The following ZNF83 variants were observed in gnomAD, a reference collection of about 807,000 sequenced individuals.
The protein encoded by ZNF83 is zinc finger protein 83.
For missense variants in ZNF83, 552 were observed against 629.9 expected (o/e 0.88, Z 1.32); for synonymous variants, 209 against 213.0 (o/e 0.98, Z 0.17).
chr19:52,649,223 G>A (rs117463158), intron 3 of ZNF83, among the ~76,000 whole-genome samples: 1,776 of 152,250 alleles, frequency 0.012, 22 homozygotes, highest in Non-Finnish European at 0.018. Context: ...CATGCTTTGG[G>A]ATATTGAAAT....
chr19:52,613,799 TATGA>T, exon 3 of ZNF83: 1 of 1,613,772 alleles, frequency 6.2e-7, no homozygotes, highest in Non-Finnish European at 8.5e-7. Context: ...TTCTCTCCAG[TATGA>T]ATGATCAGAT....
rs1600277968 is a variant in ZNF83 at position 52,683,692 on chromosome 19, TAGAG to T, written c.-283+6747_-283+6750del. Among the ~76,000 whole-genome samples, 3 of 152,134 alleles carry T rather than the reference TAGAG, an allele frequency of 2.0e-5. No homozygotes were observed. The East Asian group carries it at 5.8e-4, about 29-fold the overall frequency. On this transcript the variant is annotated intron_variant, in intron 1 of 5. Transcript: ENST00000594682. ...CTGGTCTGTAGGGCTTTTCTGACCT[TAGAG>T]AGGCCTTCTCCTCTTATTTTGACTA...
rs565298687 is a variant in ZNF83 at position 52,649,041 on chromosome 19, C to T, written c.-74+6520G>A. 1.7e-3 allele frequency among the ~76,000 whole-genome samples: 257 copies of T among 152,200 alleles called. 1 individual carries two copies. Among genetic ancestry groups the T allele is most frequent in the Non-Finnish European group, 2.7e-3 (181 of 68,044 alleles). On this transcript the variant is annotated intron_variant, in intron 3 of 5. Coordinates refer to the ZNF83 transcript ENST00000594682. ...GCCCCCTCAACGACCTTTCCCTTCTCCCGCCGGGTCCCCACCCACTGTCCA... is the reference window on the plus strand; with the variant it reads ...GCCCCCTCAACGACCTTTCCCTTCTTCCGCCGGGTCCCCACCCACTGTCCA...
At chr19:52,644,157 CAA>C (rs1255294290) in intron 3 of ZNF83, among the ~76,000 whole-genome samples, 1 of 150,200 alleles carries the variant, frequency 6.7e-6, no homozygotes, top group Non-Finnish European at 1.5e-5. Context: ...TCTGAGTCTA[CAA>C]CTCTGTTTCT....
At chr19:52,630,897 G>C (rs1336386101) in intron 2 of ZNF83, among the ~76,000 whole-genome samples, 3 of 151,934 alleles carry the variant, frequency 2.0e-5, no homozygotes, top group East Asian at 1.9e-4. Context: ...AGACTTAATA[G>C]GTTAGTTCAG....
intron 2 of ZNF83, among the ~76,000 whole-genome samples, chr19:52,627,359 T>A (rs1467530518): frequency 1.2e-4 from 18 of 149,290 alleles, no homozygotes; most frequent in African/African-American, 4.2e-4. Context: ...AGGAGAGGCA[T>A]AAAAAAGAAA....
At chr19:52,629,095 C>CA (rs1190198570) in intron 2 of ZNF83, among the ~76,000 whole-genome samples, 2 of 152,050 alleles carry the variant, frequency 1.3e-5, no homozygotes, top group Non-Finnish European at 2.9e-5. Flanking sequence ...AAAACCTCTT[C>CA]AACTCTCACC....
intron 1 of ZNF83, among the ~76,000 whole-genome samples, chr19:52,676,575 A>C (rs1452443744): frequency 2.6e-5 from 4 of 151,056 alleles, no homozygotes; most frequent in African/African-American, 9.7e-5. Flanking sequence ...GGCCGCCCCT[A>C]CTGGGAAGTG....
Position 52,613,222 on chromosome 19 carries a change from C to T in ZNF83, c.1343G>A (p.Arg448Gln), listed in dbSNP as rs143220585. Residue 448 changes from arginine (R) to glutamine (Q), a missense_variant, in exon 3 of 3, where the codon CGG becomes CAG. Coordinates refer to ENST00000301096, the Ensembl canonical transcript of ZNF83. ...AGGTTTCTCTCCAGTGTGAATTTTC[C>T]GATGATGTGCTAGGGATGAGTTTAG... 1.3e-4 allele frequency: 216 copies of T among 1,613,248 alleles called. No individual in the cohort carries two copies. The highest frequency in any genetic ancestry group is 1.7e-4 in the Non-Finnish European group (198 of 1,179,778).
chr19:52,647,078 A>G (rs57787120), intron 3 of ZNF83, among the ~76,000 whole-genome samples: 18,364 of 152,152 alleles, frequency 0.12, 1,319 homozygotes, highest in East Asian at 0.24. Flanking sequence ...TGATCTCTCC[A>G]GTCCTCTCAT....
intron 2 of ZNF83, among the ~76,000 whole-genome samples, chr19:52,634,529 G>T (rs8106667): frequency 0.66 from 100,613 of 151,898 alleles, 33,900 homozygotes; most frequent in African/African-American, 0.72. Context: ...CTTGTATCAT[G>T]CATGTCTGTG....
chr19:52,661,377 C>T (rs539081153), intron 1 of ZNF83, among the ~76,000 whole-genome samples: 4 of 152,232 alleles, frequency 2.6e-5, no homozygotes, highest in South Asian at 4.1e-4. Flanking sequence ...TGAAGCAGGG[C>T]ACAGACCTTC....
At chr19:52,659,810 T>C (rs1178795497) in intron 2 of ZNF83, among the ~76,000 whole-genome samples, 12 of 151,960 alleles carry the variant, frequency 7.9e-5, no homozygotes, top group Admixed American at 7.9e-4. Context: ...AATAAAACTG[T>C]CAAAATTCAG....
rs556896304 is a variant in ZNF83 at position 52,647,670 on chromosome 19, C to T, written c.-74+7891G>A. ...CTCTCTAGCTCTTTTTTTTCTATTT[C>T]CCTGGGATTCTGCACCTCATTCTGT... On this transcript the variant is annotated intron_variant, in intron 3 of 5. Coordinates refer to the ZNF83 transcript ENST00000594682. 8.6e-5 allele frequency among the ~76,000 whole-genome samples: 13 copies of T among 151,382 alleles called. 1 individual carries two copies. The South Asian group carries it at 2.5e-3, about 29-fold the overall frequency.
intron 2 of ZNF83, chr19:52,616,960 A>G (rs2060330997): frequency 1.3e-5 from 2 of 152,140 alleles, no homozygotes; most frequent in South Asian, 4.2e-4. Context: ...GCATGTTCTC[A>G]CTCATAAGTG....
chr19:52,654,329 TC>T, intron 3 of ZNF83: 14 of 1,424,016 alleles, frequency 9.8e-6, no homozygotes, highest in Non-Finnish European at 1.4e-5. Flanking sequence ...CTTTGCAATG[TC>T]CCTGTGTGGA....
intron 1 of ZNF83, among the ~76,000 whole-genome samples, chr19:52,679,384 G>A (rs2061870401): frequency 6.6e-6 from 1 of 152,192 alleles, no homozygotes. Flanking sequence ...GCCAAGGTGG[G>A]TGGGTCACCT....
At chr19:52,612,456 T>G (rs1218801211) in exon 3 of ZNF83, 1 of 153,056 alleles carries the variant, frequency 6.5e-6, no homozygotes, top group East Asian at 1.9e-4. Context: ...TTACATTATC[T>G]TTGTGTAGTT....
At chr19:52,623,415 A>G (rs945842563) in intron 2 of ZNF83, among the ~76,000 whole-genome samples, 4 of 151,976 alleles carry the variant, frequency 2.6e-5, no homozygotes, top group Admixed American at 6.6e-5. Flanking sequence ...AGGCTCCTGG[A>G]CCCCTTAAAA....
Sources: allele counts gnomAD v4.1 joint callset (sites outside exome capture counted in the v4.1 genomes callset), GRCh38; gene constraint gnomAD v4.1.1; transcripts MANE v1.5; gene names NCBI Gene and HGNC (gene_info 2026-07-23, HGNC 2026-07-21).